GPC6: variants seen among roughly 807,000 people sequenced by gnomAD.
GPC6 encodes glypican 6, also known as glypican-6.
A neutral mutation model predicts 55.2 loss-of-function variants in GPC6; 14 were observed. The observed-to-expected ratio is 0.25, with a 90% CI of 0.17 to 0.40. The LOEUF (loss-of-function observed/expected upper bound fraction) is 0.40, where lower values mean the gene tolerates loss of function less well. Among genes scored for constraint, GPC6 ranks in the 10% least tolerant of loss-of-function variants. GPC6 has a pLI of 1.00. For synonymous variants in GPC6, 278 were observed against 259.6 expected, an observed-to-expected ratio of 1.07 and a Z score of -0.68; for missense variants, 641 against 708.5, an observed-to-expected ratio of 0.90 and a Z score of 1.08.
intron 1 of GPC6, among the ~76,000 whole-genome samples, chr13:93,228,369 T>A (rs1380319553): frequency 6.6e-6 from 1 of 152,184 alleles, no homozygotes; most frequent in East Asian, 1.9e-4. Flanking sequence ...CGGCCTCGTC[T>A]GCCAGCGAAC....
At chr13:93,441,858 G>C (rs545361892) in intron 1 of GPC6, among the ~76,000 whole-genome samples, 106 of 152,194 alleles carry the variant, frequency 7.0e-4, no homozygotes, top group African/African-American at 2.4e-3. Context: ...CTGCAGCCTT[G>C]ACAGGGAGGC....
Position 93,618,775 on chromosome 13 carries a change from G to A in GPC6, c.319+73354G>A, listed in dbSNP as rs147686552. The stretch of plus-strand genomic sequence containing the variant: ...CATCAGCATATGTTTAAAAATTAAG[G>A]TATACAAGGATTTATATGTTTCAGT... On this transcript the variant is annotated intron_variant, in intron 2 of 8. Coordinates refer to ENST00000377047, the MANE Select transcript of GPC6 (RefSeq NM_005708.5). Among the ~76,000 whole-genome samples the A allele has an allele frequency of 6.6e-5, 10 of 152,116 alleles. No homozygotes were observed. The East Asian group carries it at 1.2e-3, about 18-fold the overall frequency.
chr13:93,384,863 C>A (rs1875331881), intron 1 of GPC6, among the ~76,000 whole-genome samples: 1 of 152,162 alleles, frequency 6.6e-6, no homozygotes, highest in African/African-American at 2.4e-5. Flanking sequence ...AAATTTAAAT[C>A]ATTTGTTCAT....
At chr13:93,590,801 C>T (rs1377172591) in intron 2 of GPC6, among the ~76,000 whole-genome samples, 1 of 152,084 alleles carries the variant, frequency 6.6e-6, no homozygotes, top group Non-Finnish European at 1.5e-5. Context: ...CTTGTGGTTA[C>T]AATTCTTCAG....
chr13:93,459,216 A>G lies in GPC6; in HGVS notation c.161-86047A>G, dbSNP rs1477457921. ...TGGGACTACAGGCATGGGCCACCACACCCAGCCAATTTTATATTTTCCAAT... is the reference window on the plus strand; with the variant it reads ...TGGGACTACAGGCATGGGCCACCACGCCCAGCCAATTTTATATTTTCCAAT... On this transcript the variant is annotated intron_variant, in intron 1 of 8. Transcript: ENST00000377047. 2.0e-5 allele frequency among the ~76,000 whole-genome samples: 3 copies of G among 152,048 alleles called. No homozygotes were observed. In the East Asian group the frequency reaches 5.8e-4, roughly 29 times the overall value.
intron 3 of GPC6, among the ~76,000 whole-genome samples, chr13:93,975,935 G>A (rs556359785): frequency 1.1e-4 from 16 of 152,158 alleles, no homozygotes; most frequent in East Asian, 5.8e-4. Context: ...CATCATAATC[G>A]TATTTTCACT....
intron 4 of GPC6, among the ~76,000 whole-genome samples, chr13:94,155,635 G>A (rs1887905269): frequency 6.6e-6 from 1 of 152,134 alleles, no homozygotes; most frequent in African/African-American, 2.4e-5. Context: ...GTCAGACCAG[G>A]AGAACTGACC....
chr13:93,473,523 G>T (rs1879200506), intron 1 of GPC6, among the ~76,000 whole-genome samples: 1 of 152,202 alleles, frequency 6.6e-6, no homozygotes, highest in Admixed American at 6.5e-5. Context: ...ACCCCTGAGG[G>T]TGCAGAATCC....
chr13:93,941,182 G>A (rs1815795065), intron 3 of GPC6, among the ~76,000 whole-genome samples: 1 of 151,736 alleles, frequency 6.6e-6, no homozygotes, highest in African/African-American at 2.4e-5. Context: ...GTTCTATCCA[G>A]TAATAAAAAA....
At chr13:93,828,899 C>A (rs1490340536) in intron 2 of GPC6, among the ~76,000 whole-genome samples, 1 of 152,098 alleles carries the variant, frequency 6.6e-6, no homozygotes, top group East Asian at 1.9e-4. Context: ...CTTCTTCAGC[C>A]AACTTCTAAG....
chr13:93,421,621 T>C (rs1425787059), intron 1 of GPC6, among the ~76,000 whole-genome samples: 2 of 152,132 alleles, frequency 1.3e-5, no homozygotes, highest in Admixed American at 1.3e-4. Context: ...TTGAACTATT[T>C]GAAAGTCCCT....
intron 3 of GPC6, among the ~76,000 whole-genome samples, chr13:93,964,544 G>A (rs552297590): frequency 5.3e-5 from 8 of 152,166 alleles, no homozygotes; most frequent in Non-Finnish European, 1.2e-4. Flanking sequence ...TAAAAGAGGG[G>A]AGACAATAAT....
chr13:94,244,966 G>A (rs1891155453), intron 4 of GPC6, among the ~76,000 whole-genome samples: 1 of 151,952 alleles, frequency 6.6e-6, no homozygotes, highest in South Asian at 2.1e-4. Flanking sequence ...TTACTATATA[G>A]TGGAACAAAT....
intron 4 of GPC6, among the ~76,000 whole-genome samples, chr13:94,054,988 A>T (rs1566344316): frequency 6.6e-6 from 1 of 152,084 alleles, no homozygotes; most frequent in Admixed American, 6.6e-5. Flanking sequence ...AATACACAAA[A>T]CGTATTTGAA....
intron 1 of GPC6, among the ~76,000 whole-genome samples, chr13:93,326,621 G>A (rs567896373): frequency 1.3e-5 from 2 of 152,222 alleles, no homozygotes; most frequent in Admixed American, 1.3e-4. Context: ...AGGTCATCTG[G>A]AAAATATTTC....
At chr13:93,582,982 A>G (rs1877008609) in intron 2 of GPC6, among the ~76,000 whole-genome samples, 1 of 152,218 alleles carries the variant, frequency 6.6e-6, no homozygotes, top group Non-Finnish European at 1.5e-5. Flanking sequence ...ATAAAACATG[A>G]GATATCAGAG....
upstream of GPC6, among the ~76,000 whole-genome samples, chr13:93,223,983 T>C (rs2138990924): frequency 7.2e-6 from 1 of 139,466 alleles, no homozygotes; most frequent in East Asian, 2.3e-4. Flanking sequence ...CACTGCAAGC[T>C]CCGCCTCCCG....
chr13:94,285,652 T>C (rs1203366567), intron 4 of GPC6, among the ~76,000 whole-genome samples: 3 of 152,206 alleles, frequency 2.0e-5, no homozygotes, highest in Non-Finnish European at 4.4e-5. Context: ...ACTTTGAATA[T>C]AGCTGATGTC....
chr13:93,627,167 C>A (rs1369359076), intron 2 of GPC6, among the ~76,000 whole-genome samples: 1 of 152,030 alleles, frequency 6.6e-6, no homozygotes, highest in African/African-American at 2.4e-5. Context: ...CCCCACCCCC[C>A]AATAGGCCCT....
Sources: gnomAD v4.1 joint callset for allele counts (sites outside exome capture counted in the v4.1 genomes callset) on GRCh38, gnomAD v4.1.1 for gene constraint, MANE v1.5 for transcripts, NCBI Gene and HGNC (gene_info 2026-07-23, HGNC 2026-07-21) for gene names.